KNOP1: variants seen among roughly 807,000 people sequenced by gnomAD.
KNOP1 encodes the protein lysine-rich nucleolar protein 1.
Under a neutral mutation model 30.6 loss-of-function variants are expected in KNOP1, and 20 were observed. The ratio of observed to expected loss-of-function variants is 0.65; its 90% CI spans 0.46 to 0.95. The LOEUF (loss-of-function observed/expected upper bound fraction) is 0.95. KNOP1 is among the 40% of genes least tolerant of loss of function. The probability of loss-of-function intolerance (pLI) is 0.00; values close to 1 mark genes in which losing one functional copy is unlikely to be tolerated. For synonymous variants in KNOP1, 204 were observed against 210.0 expected, an observed-to-expected ratio of 0.97 and a Z score of 0.25; for missense variants, 540 against 562.0, an observed-to-expected ratio of 0.96 and a Z score of 0.40.
chr16:19,709,009 C>T (rs984412957), intron 4 of KNOP1, among the ~76,000 whole-genome samples: 9 of 152,186 alleles, frequency 5.9e-5, no homozygotes, highest in African/African-American at 2.2e-4. Context: ...GGGACAGCCC[C>T]CCGGGACATC....
chr16:19,717,743 G>A (rs1977250920), intron 1 of KNOP1: 7 of 989,598 alleles, frequency 7.1e-6, no homozygotes, highest in South Asian at 4.6e-5. Context: ...GCAAGCTCCA[G>A]AGACTACAAT....
At chr16:19,717,900 T>A (rs1421572152) in intron 1 of KNOP1, 3 of 1,076,058 alleles carry the variant, frequency 2.8e-6, no homozygotes, top group Non-Finnish European at 3.4e-6. Flanking sequence ...GTAAGATCCG[T>A]ACCTCCAAGG....
chr16:19,709,610 C>T (rs1976602120), intron 4 of KNOP1, among the ~76,000 whole-genome samples: 1 of 152,214 alleles, frequency 6.6e-6, no homozygotes, highest in African/African-American at 2.4e-5. Flanking sequence ...AGCCGCAGTG[C>T]CGCCTCACTG....
At chr16:19,711,467 G>C (rs1464267433) in intron 2 of KNOP1, 27 bp from the exon 3 acceptor site, 2 of 1,612,022 alleles carry the variant, frequency 1.2e-6, no homozygotes, top group Non-Finnish European at 1.7e-6. Flanking sequence ...AGCTGGCTAA[G>C]GTTCAAGTTT....
In KNOP1 at chr16:19,706,922, C is replaced by A; in HGVS notation, c.1365G>T (p.Lys455Asn). The change falls in exon 5 of 5, where the codon AAG (lysine) becomes AAT (asparagine). Residue 455 changes from lysine (K) to asparagine (N), a missense_variant. Lys to Asn is a moderately conservative substitution (Grantham distance 94). Transcript: ENST00000219837. ...YIDRNASKSV[K>N]LED ...AAAACTCTAGAGTTTAATCTTCCAG[C>A]TTGACTGACTTGGAAGCGTTCCTGT... is the stretch of plus-strand genomic sequence containing the variant. The A allele has an allele frequency of 6.2e-7, 1 of 1,612,432 alleles. No individual in the cohort carries two copies. Among genetic ancestry groups the A allele is most frequent in the Non-Finnish European group, 8.5e-7 (1 of 1,179,974 alleles).
chr16:19,715,079 C>A, intron 1 of KNOP1, 42 bp from the exon 2 acceptor site: 1 of 1,430,186 alleles, frequency 7.0e-7, no homozygotes, highest in East Asian at 2.3e-5. Flanking sequence ...ACCAAGCCAT[C>A]CTGTGTTCAA....
chr16:19,714,283 CT>C lies in KNOP1; in HGVS notation c.752del (p.Glu251GlyfsTer8). ...CACTTATGGGGATGTATTCCGGAGCCTCAACTTTGACTGGCTTCTTTTTACT... is the reference window on the plus strand; with the variant it reads ...CACTTATGGGGATGTATTCCGGAGCCCAACTTTGACTGGCTTCTTTTTACT... Reference protein sequence around the residue: ...KGSKKKPVKVEAPEYIPISDD... With the variant: ...KGSKKKPVKVXAPEYIPISDD... On this transcript the variant is annotated frameshift_variant, in exon 2 of 5. Transcript: ENST00000219837. LOFTEE classifies it high-confidence loss of function. 6.2e-7 allele frequency: 1 copy of C among 1,614,142 alleles called. No homozygotes were observed. Among genetic ancestry groups the C allele is most frequent in the Non-Finnish European group, 8.5e-7 (1 of 1,180,022 alleles).
chr16:19,717,657 A>C, intron 1 of KNOP1: 1 of 986,116 alleles, frequency 1.0e-6, no homozygotes, highest in African/African-American at 1.7e-5. Context: ...TCTCCTGCAA[A>C]CGCAAACGCT....
intron 2 of KNOP1, among the ~76,000 whole-genome samples, chr16:19,713,608 T>C (rs1240108137): frequency 6.6e-6 from 1 of 151,954 alleles, no homozygotes; most frequent in East Asian, 1.9e-4. Flanking sequence ...GATAGAAAAA[T>C]ACAAAGCCCA....
chr16:19,702,243 A>G lies in KNOP1; in HGVS notation c.*4667T>C, dbSNP rs945565543. The G allele has an allele frequency of 3.3e-5, 5 of 152,248 alleles. No individual in the cohort carries two copies. The highest frequency in any genetic ancestry group is 1.2e-4 in the African/African-American group (5 of 41,464). The allele number at this position is 152,248 out of a possible 1,614,324, so 9.4% of individuals were successfully genotyped here. ...GGTGATCCGCCGCCTCGGCCTCCCA[A>G]AGTGCTGGGATTACAGGCGTAAGCC... On this transcript the variant is annotated 3_prime_UTR_variant, in exon 5 of 5. Transcript: ENST00000219837.
At position 19,706,621 on chromosome 16, in the gene KNOP1, GC is replaced by G. The variant is rs1976363539; in HGVS notation, c.*288del. 1 of 380,196 alleles carries G rather than the reference GC, an allele frequency of 2.6e-6. No homozygotes were observed. Among genetic ancestry groups the G allele is most frequent in the East Asian group, 6.2e-5 (1 of 16,014 alleles). 23.6% of individuals were successfully genotyped at this position (380,196 alleles called of 1,614,324 possible). ...TCTCCTGGCTCCCGAAATATGAGCT[GC>G]CCTGCCCCAGTTCATCCAAGCCCAT... On this transcript the variant is annotated 3_prime_UTR_variant, in exon 5 of 5. Transcript: ENST00000219837.
chr16:19,715,008 G>A lies in KNOP1; in HGVS notation c.28C>T (p.Leu10Phe). The A allele has an allele frequency of 6.3e-7, 1 of 1,578,210 alleles. No individual in the cohort carries two copies. The highest frequency in any genetic ancestry group is 1.2e-5 in the South Asian group (1 of 83,498). Residue 10 changes from leucine to phenylalanine, a missense_variant, in exon 2 of 5, where the codon CTT (leucine) becomes TTT (phenylalanine). Coordinates refer to ENST00000219837, the MANE Select transcript of KNOP1 (RefSeq NM_001012991.3). MITKTHKVD[L>F]GLPEKKKKKK... Reference sequence around the variant, plus strand: ...TTCTTTTTCTTCTCTGGGAGCCCAAGGTCTACTTTGTGTGTCTTGGTGATC... The same window carrying A: ...TTCTTTTTCTTCTCTGGGAGCCCAAAGTCTACTTTGTGTGTCTTGGTGATC...
intron 3 of KNOP1, 128 bp from the exon 4 acceptor site, chr16:19,710,714 A>C: frequency 1.4e-6 from 1 of 723,794 alleles, no homozygotes; most frequent in Non-Finnish European, 2.4e-6. Flanking sequence ...CTCTGCTACA[A>C]ACAATGGGAA....
chr16:19,716,287 T>C (rs1977066762), intron 1 of KNOP1, among the ~76,000 whole-genome samples: 1 of 152,172 alleles, frequency 6.6e-6, no homozygotes, highest in South Asian at 2.1e-4. Flanking sequence ...ATGAACAAGA[T>C]AAAACACCAC....
intron 1 of KNOP1, chr16:19,717,705 G>A: frequency 1.0e-6 from 1 of 987,770 alleles, no homozygotes; most frequent in South Asian, 4.7e-5. Context: ...GGACAGCCTT[G>A]TGAAGATCTT....
intron 3 of KNOP1, 57 bp downstream of exon 3, chr16:19,711,315 A>G: frequency 6.4e-7 from 1 of 1,557,994 alleles, no homozygotes; most frequent in Non-Finnish European, 8.8e-7. Context: ...GCAGCAAGTG[A>G]GACTCCAAGG....
At chr16:19,708,376 T>A (rs968857838) in intron 4 of KNOP1, among the ~76,000 whole-genome samples, 1 of 152,080 alleles carries the variant, frequency 6.6e-6, no homozygotes, top group African/African-American at 2.4e-5. Context: ...CCAAGAAGAC[T>A]GTGACTCGGA....
In KNOP1 at chr16:19,706,988, G is replaced by A. The variant is rs752249897; in HGVS notation, c.1299C>T (p.Gly433=). The A allele has an allele frequency of 6.2e-7, 1 of 1,613,892 alleles. No homozygotes were observed. Among genetic ancestry groups the A allele is most frequent in the East Asian group, 2.2e-5 (1 of 44,870 alleles). ...TGTTGGGGGCGGTGGAGAAGCCGAG[G>A]CCGGCTCCCCGGCTGTACTTCCAGC... ...AMSWKYSRGA[G]LGFSTAPNKI... The change falls in exon 5 of 5, where the codon GGC becomes GGT. Residue 433 remains glycine (G), a synonymous_variant. Coordinates refer to ENST00000219837, the MANE Select transcript of KNOP1 (RefSeq NM_001012991.3).
In KNOP1 at chr16:19,706,587, C is replaced by G. The variant is rs1330637951; in HGVS notation, c.*323G>C. 6.2e-6 allele frequency: 2 copies of G among 322,198 alleles called. No homozygotes were observed. Among genetic ancestry groups the G allele is most frequent in the Admixed American group, 9.9e-5 (2 of 20,224 alleles). 20.0% of individuals were successfully genotyped at this position (322,198 alleles called of 1,614,324 possible). ...ACACAGAAAACAGGAGGTTTTAGCA[C>G]TCACTCGTTCTCCTGGCTCCCGAAA... On this transcript the variant is annotated 3_prime_UTR_variant, in exon 5 of 5. Transcript: ENST00000219837.
Sources: gnomAD v4.1 joint callset for allele counts (sites outside exome capture counted in the v4.1 genomes callset) on GRCh38, gnomAD v4.1.1 for gene constraint, MANE v1.5 for transcripts, NCBI Gene and HGNC (gene_info 2026-07-23, HGNC 2026-07-21) for gene names.